The following AKAP12 variants were observed in gnomAD, a reference collection of about 807,000 sequenced individuals.
The protein encoded by AKAP12 is A-kinase anchor protein 12.
In AKAP12, 32 loss-of-function variants were observed where a neutral mutation model predicts 79.9. The ratio of observed to expected loss-of-function variants is 0.40; its 90% CI spans 0.30 to 0.54. The LOEUF (loss-of-function observed/expected upper bound fraction) is 0.54, where lower values mean the gene tolerates loss of function less well. Ranked by LOEUF, AKAP12 falls within the 20% of genes least tolerant of loss-of-function variation. The pLI is 0.48. For missense variants in AKAP12, 2,074 were observed against 2,177.0 expected (o/e 0.95, Z 0.94); for synonymous variants, 808 against 857.0 (o/e 0.94, Z 1.00).
At chr6:151,270,246 T>G (rs1169832603) in intron 2 of AKAP12, among the ~76,000 whole-genome samples, 2 of 152,108 alleles carry the variant, frequency 1.3e-5, no homozygotes, top group East Asian at 3.9e-4. Context: ...TTAGTAGAGA[T>G]GGAATTTCTC....
At chr6:151,308,279 T>C (rs1777018342) in intron 3 of AKAP12, among the ~76,000 whole-genome samples, 1 of 152,078 alleles carries the variant, frequency 6.6e-6, no homozygotes, top group East Asian at 1.9e-4. Flanking sequence ...GTGGCATGAT[T>C]TCGGCTCACT....
Position 151,349,563 on chromosome 6 carries a change from C to T in AKAP12, c.1172C>T (p.Pro391Leu), listed in dbSNP as rs1778217463. 3.7e-6 allele frequency: 6 copies of T among 1,611,370 alleles called. No individual in the cohort carries two copies. The highest frequency in any genetic ancestry group is 2.2e-5 in the East Asian group (1 of 44,840). ...SEEQVSGSQG[P>L]SEEKPAPLAT... ...GAGCAAGTCAGTGGCTCGCAGGGAC[C>T]TTCTGAAGAGAAACCTGCTCCGTTG... Residue 391 changes from proline (P) to leucine (L), a missense_variant, in exon 4 of 5, where the codon CCT (proline) becomes CTT (leucine). By Grantham distance (98) the Pro-to-Leu change is moderately conservative. Coordinates refer to ENST00000402676, the MANE Select transcript of AKAP12 (RefSeq NM_005100.4).
At chr6:151,287,563 G>A (rs1776530823) in intron 2 of AKAP12, among the ~76,000 whole-genome samples, 1 of 152,168 alleles carries the variant, frequency 6.6e-6, no homozygotes, top group South Asian at 2.1e-4. Flanking sequence ...GCCCGGCCAT[G>A]TTTACTTATT....
chr6:151,281,681 C>T (rs1288126410), intron 2 of AKAP12, among the ~76,000 whole-genome samples: 2 of 152,114 alleles, frequency 1.3e-5, no homozygotes, highest in Non-Finnish European at 2.9e-5. Context: ...ATTCTTTTCT[C>T]CACACACGTT....
At chr6:151,324,034 A>T in intron 3 of AKAP12, 1 of 985,380 alleles carries the variant, frequency 1.0e-6, no homozygotes, top group Non-Finnish European at 1.2e-6. Context: ...TGGGATTGGG[A>T]GGAGAGGAAT....
chr6:151,260,583 C>T (rs1341194470), intron 2 of AKAP12, among the ~76,000 whole-genome samples: 1 of 152,222 alleles, frequency 6.6e-6, no homozygotes, highest in Non-Finnish European at 1.5e-5. Flanking sequence ...TTGTTTCAGA[C>T]CCTGTCCTCA....
intron 3 of AKAP12, among the ~76,000 whole-genome samples, chr6:151,314,939 C>G (rs184873541): frequency 6.6e-6 from 1 of 151,782 alleles, no homozygotes; most frequent in Non-Finnish European, 1.5e-5. Context: ...GTAGTCCCAG[C>G]TATTCGGGAG....
At chr6:151,285,414 G>GTGTGTGTGTA (rs1393594275) in intron 2 of AKAP12, among the ~76,000 whole-genome samples, 3 of 150,840 alleles carry the variant, frequency 2.0e-5, no homozygotes, top group South Asian at 2.1e-4. Flanking sequence ...GTGTGTGTGT[G>GTGTGTGTGTA]TGTGTATCTA....
At chr6:151,249,958 A>T (rs1797143349) in intron 2 of AKAP12, among the ~76,000 whole-genome samples, 1 of 152,122 alleles carries the variant, frequency 6.6e-6, no homozygotes, top group African/African-American at 2.4e-5. Flanking sequence ...ATGGTGGCTC[A>T]CACCTGGTGG....
chr6:151,261,396 A>AAT (rs1797430660), intron 2 of AKAP12, among the ~76,000 whole-genome samples: 1 of 151,626 alleles, frequency 6.6e-6, no homozygotes, highest in Non-Finnish European at 1.5e-5. Context: ...AATAAAATAA[A>AAT]AACCAATGGT....
At chr6:151,279,303 A>T (rs1776351360) in intron 2 of AKAP12, among the ~76,000 whole-genome samples, 1 of 152,156 alleles carries the variant, frequency 6.6e-6, no homozygotes, top group African/African-American at 2.4e-5. Context: ...ATGGTTTCTA[A>T]TCCTAACAAG....
At position 151,348,680 on chromosome 6, in the gene AKAP12, T is replaced by TGGGGGGGGGGGGGGGGGG; in HGVS notation, c.320-31_320-30insGGGGGGGGGGGGGGGGGG. Reference sequence around the variant, plus strand: ...TGTATTGTAATCACCTTTTCTCTTCTCCCCACCCCCCCGCCCCTTTTTGTT... The same window carrying TGGGGGGGGGGGGGGGGGG: ...TGTATTGTAATCACCTTTTCTCTTCTGGGGGGGGGGGGGGGGGGCCCCACCCCCCCGCCCCTTTTTGTT... On this transcript the variant is annotated intron_variant, in intron 3 of 4. Transcript: ENST00000402676. The TGGGGGGGGGGGGGGGGGG allele has an allele frequency of 8.4e-6, 3 of 355,202 alleles. 1 individual carries two copies. The highest frequency in any genetic ancestry group is 1.6e-5 in the Non-Finnish European group (3 of 182,414). 22.0% of individuals were successfully genotyped at this position (355,202 alleles called of 1,614,324 possible).
intron 2 of AKAP12, among the ~76,000 whole-genome samples, chr6:151,249,073 A>AT (rs1305569990): frequency 5.3e-5 from 8 of 152,054 alleles, no homozygotes; most frequent in Non-Finnish European, 5.9e-5. Context: ...AAATGCCCGT[A>AT]TCCCTACTGA....
intron 2 of AKAP12, among the ~76,000 whole-genome samples, chr6:151,245,600 GCACCACTGCAGTCA>G (rs1445166234): frequency 7.1e-6 from 1 of 141,776 alleles, no homozygotes; most frequent in East Asian, 2.1e-4. Context: ...AGCCGAGATG[GCACCACTGCAGTCA>G]CCACTGCAGT....
At chr6:151,284,846 C>CG (rs1411012921) in intron 2 of AKAP12, among the ~76,000 whole-genome samples, 16 of 152,246 alleles carry the variant, frequency 1.1e-4, no homozygotes, top group Middle Eastern at 3.4e-3. Context: ...TTTGACTTGA[C>CG]GCATCCAGAT....
At chr6:151,321,919 T>G (rs796885013) in intron 3 of AKAP12, among the ~76,000 whole-genome samples, 78 of 146,776 alleles carry the variant, frequency 5.3e-4, no homozygotes, top group African/African-American at 1.6e-3. Flanking sequence ...TTTTTTTTTT[T>G]TTTTTTTTTG....
chr6:151,296,886 A>C (rs1776740307), intron 2 of AKAP12, among the ~76,000 whole-genome samples: 1 of 152,144 alleles, frequency 6.6e-6, no homozygotes, highest in Non-Finnish European at 1.5e-5. Flanking sequence ...TGTTCATCTA[A>C]ACTTCTCATA....
intron 3 of AKAP12, among the ~76,000 whole-genome samples, chr6:151,307,468 A>C (rs1776999999): frequency 6.6e-6 from 1 of 152,216 alleles, no homozygotes; most frequent in South Asian, 2.1e-4. Context: ...AGTGGAGTTT[A>C]GAAAGTATTT....
At chr6:151,331,679 A>G (rs1184033889) in intron 3 of AKAP12, among the ~76,000 whole-genome samples, 1 of 151,968 alleles carries the variant, frequency 6.6e-6, no homozygotes. Flanking sequence ...AGGTAAGGAG[A>G]TCGAGACCAT....
Sources: allele counts gnomAD v4.1 joint callset (sites outside exome capture counted in the v4.1 genomes callset), GRCh38; gene constraint gnomAD v4.1.1; transcripts MANE v1.5; gene names NCBI Gene and HGNC (gene_info 2026-07-23, HGNC 2026-07-21).